Variants in LRMDA observed in about 807,000 individuals in gnomAD.
LRMDA encodes leucine-rich melanocyte differentiation-associated protein.
Under a neutral mutation model 29.8 loss-of-function variants are expected in LRMDA, and 18 were observed. The observed-to-expected ratio is 0.60, with a 90% CI of 0.42 to 0.90. The LOEUF is 0.90. Among genes scored for constraint, LRMDA ranks in the 40% least tolerant of loss-of-function variants. The pLI, the probability that LRMDA is intolerant of heterozygous loss-of-function variation, is 0.00. For missense variants in LRMDA, 273 were observed against 273.9 expected (o/e 1.00, Z 0.02); for synonymous variants, 125 against 109.4 (o/e 1.14, Z -0.89).
chr10:75,803,962 G>A (rs115507729), intron 2 of LRMDA, among the ~76,000 whole-genome samples: 2,069 of 152,308 alleles, frequency 0.014, 46 homozygotes, highest in African/African-American at 0.047. Context: ...CAAAGATAGC[G>A]TGGCCTTTGT....
intron 2 of LRMDA, among the ~76,000 whole-genome samples, chr10:75,618,430 T>C (rs1172591674): frequency 6.8e-6 from 1 of 146,510 alleles, no homozygotes; most frequent in Non-Finnish European, 1.5e-5. Context: ...ATATCAACTA[T>C]ATATGTATAC....
chr10:76,460,213 A>G (rs963641896), intron 6 of LRMDA, among the ~76,000 whole-genome samples: 1 of 152,192 alleles, frequency 6.6e-6, no homozygotes, highest in African/African-American at 2.4e-5. Flanking sequence ...AAAAAGCCCC[A>G]GTGTTCACAC....
At chr10:76,085,566 T>C (rs1157014080) in intron 5 of LRMDA, among the ~76,000 whole-genome samples, 1 of 152,024 alleles carries the variant, frequency 6.6e-6, no homozygotes, top group Non-Finnish European at 1.5e-5. Context: ...TACTTTCCCC[T>C]GGCCCCTACC....
At chr10:75,601,219 A>G (rs1169744978) in intron 2 of LRMDA, 1 of 152,184 alleles carries the variant, frequency 6.6e-6, no homozygotes, top group East Asian at 1.9e-4. Flanking sequence ...TGGAAATGCA[A>G]ATCACTTATT....
chr10:75,983,186 A>G (rs944289772), intron 2 of LRMDA, among the ~76,000 whole-genome samples: 1 of 152,220 alleles, frequency 6.6e-6, no homozygotes, highest in Non-Finnish European at 1.5e-5. Context: ...GAAGCCTGCC[A>G]GGACAGTTTT....
At chr10:75,482,242 T>C (rs1000083480) in intron 2 of LRMDA, among the ~76,000 whole-genome samples, 1 of 152,192 alleles carries the variant, frequency 6.6e-6, no homozygotes, top group African/African-American at 2.4e-5. Flanking sequence ...ATCTTCTGTT[T>C]GGCCTTCTTG....
At chr10:75,742,682 A>G (rs1025964896) in intron 2 of LRMDA, 22 of 152,196 alleles carry the variant, frequency 1.4e-4, no homozygotes, top group African/African-American at 5.1e-4. Flanking sequence ...GTACAGGTGA[A>G]TCATTCTGAA....
At chr10:76,271,248 A>C (rs1303894300) in intron 5 of LRMDA, among the ~76,000 whole-genome samples, 1 of 152,114 alleles carries the variant, frequency 6.6e-6, no homozygotes, top group Non-Finnish European at 1.5e-5. Context: ...TTTCTACAAA[A>C]AGTACAAAAA....
At chr10:75,829,413 C>G (rs1844301664) in intron 2 of LRMDA, among the ~76,000 whole-genome samples, 1 of 152,150 alleles carries the variant, frequency 6.6e-6, no homozygotes, top group Non-Finnish European at 1.5e-5. Context: ...CCTGCAGCTT[C>G]TCTCTACTGG....
chr10:76,166,810 C>T lies in LRMDA; in HGVS notation c.516+108027C>T, dbSNP rs147092166. Among the ~76,000 whole-genome samples, 805 of 151,890 alleles carry T rather than the reference C, an allele frequency of 5.3e-3. 8 individuals carry two copies. The highest frequency in any genetic ancestry group is 0.018 in the African/African-American group (758 of 41,488). On this transcript the variant is annotated intron_variant, in intron 5 of 6. Coordinates refer to ENST00000611255, the MANE Select transcript of LRMDA (RefSeq NM_001305581.2). ...TGTGTATGTCTTGATGACTGAACAA[C>T]TTATATTCCTCCTAGGTCGAATGGT...
intron 2 of LRMDA, among the ~76,000 whole-genome samples, chr10:75,684,808 A>G (rs1026208864): frequency 6.6e-6 from 1 of 152,182 alleles, no homozygotes; most frequent in Non-Finnish European, 1.5e-5. Context: ...AGGAACACAT[A>G]TTTCAGGGCT....
chr10:76,515,082 C>T (rs1843046615), intron 6 of LRMDA, among the ~76,000 whole-genome samples: 2 of 151,996 alleles, frequency 1.3e-5, no homozygotes, highest in Non-Finnish European at 2.9e-5. Context: ...AAGACATGTC[C>T]CAACCTACTA....
At chr10:76,026,429 G>C (rs1848063920) in intron 2 of LRMDA, among the ~76,000 whole-genome samples, 1 of 152,172 alleles carries the variant, frequency 6.6e-6, no homozygotes, top group Admixed American at 6.5e-5. Context: ...AGTAGGGGGA[G>C]AGTGGAACAG....
intron 2 of LRMDA, among the ~76,000 whole-genome samples, chr10:75,602,422 T>G (rs1365351889): frequency 2.6e-5 from 4 of 152,176 alleles, no homozygotes; most frequent in Non-Finnish European, 5.9e-5. Flanking sequence ...TTTATTTTGG[T>G]TCCTCTCCAC....
At chr10:75,723,644 C>T (rs1842596384) in intron 2 of LRMDA, among the ~76,000 whole-genome samples, 1 of 152,128 alleles carries the variant, frequency 6.6e-6, no homozygotes, top group African/African-American at 2.4e-5. Context: ...GACAGTGGCT[C>T]CATATAGACA....
intron 5 of LRMDA, among the ~76,000 whole-genome samples, chr10:76,085,286 G>A (rs547832145): frequency 3.8e-4 from 58 of 152,254 alleles, no homozygotes; most frequent in African/African-American, 1.3e-3. Context: ...CAAATAATCC[G>A]AAACACAGAT....
chr10:75,912,841 CCT>C (rs1323108467), intron 2 of LRMDA, among the ~76,000 whole-genome samples: 18 of 152,094 alleles, frequency 1.2e-4, no homozygotes, highest in Non-Finnish European at 2.4e-4. Flanking sequence ...TATTGCTTAT[CCT>C]CTAATTGCTG....
At chr10:76,404,643 T>G (rs1051493629) in intron 6 of LRMDA, among the ~76,000 whole-genome samples, 2 of 152,214 alleles carry the variant, frequency 1.3e-5, no homozygotes, top group Non-Finnish European at 1.5e-5. Flanking sequence ...CCTGGGTATA[T>G]GAATGGCTCA....
intron 2 of LRMDA, among the ~76,000 whole-genome samples, chr10:75,886,895 C>T (rs1845401052): frequency 6.6e-6 from 1 of 152,076 alleles, no homozygotes; most frequent in African/African-American, 2.4e-5. Flanking sequence ...CGTCAGGGCC[C>T]TTTACTCCTA....
Sources: allele counts gnomAD v4.1 joint callset (sites outside exome capture counted in the v4.1 genomes callset), GRCh38; gene constraint gnomAD v4.1.1; transcripts MANE v1.5; gene names NCBI Gene and HGNC (gene_info 2026-07-23, HGNC 2026-07-21).